Variants in COG5 observed in about 807,000 individuals in gnomAD.
The protein encoded by COG5 is component of oligomeric golgi complex 5.
Under a neutral mutation model 110.4 loss-of-function variants are expected in COG5, and 86 were observed. The ratio of observed to expected loss-of-function variants is 0.78; its 90% CI spans 0.65 to 0.93. COG5 has a LOEUF of 0.93. Among genes scored for constraint, COG5 ranks in the 40% least tolerant of loss-of-function variants. COG5 has a pLI of 0.00. For synonymous variants in COG5, 360 were observed against 334.6 expected (o/e 1.08, Z -0.83); for missense variants, 1,077 against 987.0 (o/e 1.09, Z -1.22).
chr7:107,294,403 T>C (rs1806422571), intron 12 of COG5, among the ~76,000 whole-genome samples: 1 of 152,284 alleles, frequency 6.6e-6, no homozygotes, highest in East Asian at 1.9e-4. Flanking sequence ...TCATCTCTTA[T>C]CTGGATAAAC....
intron 6 of COG5, among the ~76,000 whole-genome samples, chr7:107,501,399 A>T (rs1041234084): frequency 1.3e-5 from 2 of 152,126 alleles, no homozygotes; most frequent in African/African-American, 4.8e-5. Flanking sequence ...TCTTCCAGCA[A>T]GGGGTGATAG....
Position 107,392,980 on chromosome 7 carries a change from G to A in COG5, c.669+19522C>T, listed in dbSNP as rs537905176. ...AAAATTCTTATTTCTTAGTATTCCA[G>A]GTCACTGTGTTCTCTGGGGAGCTTG... On this transcript the variant is annotated intron_variant, in intron 7 of 21. Coordinates refer to ENST00000297135, the MANE Select transcript of COG5 (RefSeq NM_006348.5). 3.3e-4 allele frequency among the ~76,000 whole-genome samples: 50 copies of A among 152,236 alleles called. 1 individual carries two copies. Among genetic ancestry groups the A allele is most frequent in the African/African-American group, 1.1e-3 (47 of 41,542 alleles).
At chr7:107,485,368 T>C (rs1463354176) in intron 6 of COG5, among the ~76,000 whole-genome samples, 1 of 152,212 alleles carries the variant, frequency 6.6e-6, no homozygotes, top group Non-Finnish European at 1.5e-5. Flanking sequence ...GAGCTAACTG[T>C]GTTCTGAACT....
Position 107,211,122 on chromosome 7 carries a change from C to T in COG5, c.2272G>A (p.Ala758Thr), listed in dbSNP as rs370066143. 2.4e-5 allele frequency: 38 copies of T among 1,614,044 alleles called. No homozygotes were observed. Among genetic ancestry groups the T allele is most frequent in the Admixed American group, 8.3e-5 (5 of 60,020 alleles). The change falls in exon 20 of 22, where the codon GCT (alanine) becomes ACT (threonine). Residue 758 changes from alanine to threonine, a missense_variant. Physicochemically the swap from Ala to Thr is moderately conservative, Grantham distance 58 (BLOSUM62 0). Transcript: ENST00000297135. ...IIQFLFTRAP[A>T]ELKSPFQRAE... is the part of the protein sequence containing the mutation. ...ACCTGGAAAGGAGATTTCAGTTCAG[C>T]GGGTGCTCTCGTGAACAAAAACTGA...
chr7:107,324,167 A>C (rs1347307165), intron 11 of COG5, among the ~76,000 whole-genome samples: 1 of 152,174 alleles, frequency 6.6e-6, no homozygotes, highest in Non-Finnish European at 1.5e-5. Context: ...ATTCAGACAG[A>C]GTTCTTCTGA....
At chr7:107,556,138 G>C (rs1803299819) in intron 2 of COG5, among the ~76,000 whole-genome samples, 1 of 152,168 alleles carries the variant, frequency 6.6e-6, no homozygotes, top group African/African-American at 2.4e-5. Context: ...TTAGTCATCA[G>C]ATATCTAGAG....
intron 11 of COG5, among the ~76,000 whole-genome samples, chr7:107,305,820 C>A (rs73726020): frequency 1.7e-4 from 26 of 151,844 alleles, no homozygotes; most frequent in African/African-American, 6.3e-4. Flanking sequence ...AATGTGCAAG[C>A]AAAGAAGGCA....
chr7:107,426,841 T>G (rs947440426), intron 6 of COG5, among the ~76,000 whole-genome samples: 2 of 152,168 alleles, frequency 1.3e-5, no homozygotes, highest in Non-Finnish European at 2.9e-5. Context: ...TTTGTTCTCT[T>G]TATACATTCT....
intron 12 of COG5, among the ~76,000 whole-genome samples, chr7:107,292,345 T>C (rs1410684977): frequency 1.3e-5 from 2 of 152,212 alleles, no homozygotes; most frequent in African/African-American, 2.4e-5. Flanking sequence ...ATTGCCTGCC[T>C]CTACCCAAGT....
At chr7:107,505,920 AGATAT>A (rs1443345684) in intron 6 of COG5, among the ~76,000 whole-genome samples, 5 of 152,136 alleles carry the variant, frequency 3.3e-5, no homozygotes, top group African/African-American at 1.2e-4. Flanking sequence ...AGGAATCCAG[AGATAT>A]GGCCTGTCCT....
intron 6 of COG5, among the ~76,000 whole-genome samples, chr7:107,415,551 A>G (rs951944199): frequency 6.6e-6 from 1 of 151,956 alleles, no homozygotes; most frequent in Non-Finnish European, 1.5e-5. Flanking sequence ...CTAGTCTACT[A>G]GAAAAAAAAA....
intron 12 of COG5, among the ~76,000 whole-genome samples, chr7:107,295,854 C>T (rs1351552021): frequency 1.3e-5 from 2 of 152,224 alleles, no homozygotes; most frequent in African/African-American, 4.8e-5. Context: ...TGCAGTGGCA[C>T]GATCTCGGCT....
intron 6 of COG5, among the ~76,000 whole-genome samples, chr7:107,435,281 G>A (rs1423831968): frequency 6.6e-6 from 1 of 151,958 alleles, no homozygotes; most frequent in African/African-American, 2.4e-5. Context: ...GACTAAGATG[G>A]GAAATTACAT....
intron 11 of COG5, among the ~76,000 whole-genome samples, chr7:107,314,477 C>T (rs1282417821): frequency 6.6e-6 from 1 of 151,784 alleles, no homozygotes. Context: ...GGCACAGCGG[C>T]TCACGCCTGT....
chr7:107,541,523 AAT>A (rs1554460370), intron 5 of COG5, among the ~76,000 whole-genome samples: 2,253 of 57,058 alleles, frequency 0.039, 58 homozygotes, highest in Middle Eastern at 0.08. Flanking sequence ...AAAAAAAAAA[AAT>A]ATATATATAT....
intron 5 of COG5, among the ~76,000 whole-genome samples, chr7:107,545,605 T>C (rs1432039832): frequency 6.6e-6 from 1 of 151,450 alleles, no homozygotes; most frequent in Non-Finnish European, 1.5e-5. Context: ...GAAGGCGAAA[T>C]GCCATCTCTA....
Position 107,202,397 on chromosome 7 carries a change from T to TTAG in COG5, c.*1118_*1119insCTA, listed in dbSNP as rs1798396372. The TTAG allele has an allele frequency of 6.6e-6, 1 of 152,654 alleles. No homozygotes were observed. Among genetic ancestry groups the TTAG allele is most frequent in the Non-Finnish European group, 1.5e-5 (1 of 68,046 alleles). The allele number at this position is 152,654 out of a possible 1,614,324, so 9.5% of individuals were successfully genotyped here. On this transcript the variant is annotated 3_prime_UTR_variant, in exon 22 of 22. Transcript: ENST00000297135. ...TTCATGTTACTTACCAAGTGGTGTTTCTGGTTAGGAATCACAGCTGTAAAA... is the reference window on the plus strand; with the variant it reads ...TTCATGTTACTTACCAAGTGGTGTTTTAGCTGGTTAGGAATCACAGCTGTAAAA...
chr7:107,381,183 T>C (rs1815086484), intron 7 of COG5, among the ~76,000 whole-genome samples: 1 of 152,188 alleles, frequency 6.6e-6, no homozygotes, highest in Admixed American at 6.5e-5. Flanking sequence ...TGGAATTCTA[T>C]TTCATAAAAT....
In COG5 at chr7:107,558,015, G is replaced by A. The variant is rs747754583; in HGVS notation, c.195C>T (p.Ala65=). Residue 65 remains alanine (A), a synonymous_variant, in exon 2 of 22, where the codon GCC becomes GCT. Coordinates refer to ENST00000297135, the MANE Select transcript of COG5 (RefSeq NM_006348.5). The part of the protein sequence containing the change: ...AVIAEQLAKL[A]QGISQLDREL... Reference sequence around the variant, plus strand: ...CTCTGTCCAACTGACTGATTCCTTGGGCAAGTTTTGCTAGTTGTTCAGCAA... The same window carrying A: ...CTCTGTCCAACTGACTGATTCCTTGAGCAAGTTTTGCTAGTTGTTCAGCAA... The A allele has an allele frequency of 1.9e-6, 3 of 1,613,346 alleles. No individual in the cohort carries two copies. Among genetic ancestry groups the A allele is most frequent in the African/African-American group, 1.3e-5 (1 of 74,770 alleles).
Sources: gnomAD v4.1 joint callset for allele counts (sites outside exome capture counted in the v4.1 genomes callset) on GRCh38, gnomAD v4.1.1 for gene constraint, MANE v1.5 for transcripts, NCBI Gene and HGNC (gene_info 2026-07-23, HGNC 2026-07-21) for gene names.